Variants in ATP4A observed in about 807,000 individuals in gnomAD.
The protein encoded by ATP4A is potassium-transporting ATPase alpha chain 1.
Under a neutral mutation model 112.1 loss-of-function variants are expected in ATP4A, and 73 were observed. The ratio of observed to expected loss-of-function variants is 0.65; its 90% confidence interval spans 0.54 to 0.79. The LOEUF (loss-of-function observed/expected upper bound fraction) is 0.79, where lower values mean the gene tolerates loss of function less well. Among genes scored for constraint, ATP4A ranks in the 30% least tolerant of loss-of-function variants. The pLI is 0.00. For missense variants in ATP4A, 1,081 were observed against 1,425.9 expected (o/e 0.76, Z 3.90); for synonymous variants, 588 against 588.9 (o/e 1.00, Z 0.02).
In ATP4A at chr19:35,562,441, G is replaced by A. The variant is rs750821353; in HGVS notation, c.414C>T (p.Asp138=). 1.1e-5 allele frequency: 17 copies of A among 1,613,500 alleles called. No homozygotes were observed. Among genetic ancestry groups the A allele is most frequent in the East Asian group, 2.2e-5 (1 of 44,890 alleles). The change falls in exon 4 of 22, where the codon GAC becomes GAT. Residue 138 remains aspartate, a synonymous_variant. Transcript: ENST00000262623. ...IQASEGDLTT[D]DNLYLAIALI... ...TCCCCACAACATGGCTCACATTGTCGTCGGTGGTGAGGTCCCCCTCACTAG... is the reference window on the plus strand; with the variant it reads ...TCCCCACAACATGGCTCACATTGTCATCGGTGGTGAGGTCCCCCTCACTAG...
At position 35,555,814 on chromosome 19, in the gene ATP4A, T is replaced by C. The variant is rs775546496; in HGVS notation, c.1870-2A>G. ...GTGGTCACCCGTTACCATGATCACC[T>C]GTAGGGGGAACCAGTGGATCACTGA... is the stretch of plus-strand genomic sequence containing the variant. On this transcript the variant is annotated splice_acceptor_variant, in intron 12 of 21. Coordinates refer to ENST00000262623, the MANE Select transcript of ATP4A (RefSeq NM_000704.3). LOFTEE classifies it high-confidence loss of function. This position sits in a 1 kb window ranked among gnomAD's most constrained non-coding sequence, Gnocchi z 6.6. 6.2e-7 allele frequency: 1 copy of C among 1,605,134 alleles called. No homozygotes were observed. The highest frequency in any genetic ancestry group is 1.7e-5 in the Admixed American group (1 of 59,788).
chr19:35,556,992 G>A lies in ATP4A; in HGVS notation c.1790C>T (p.Ala597Val), dbSNP rs138327542. ...TGGGTCAATCATGGATACAAGTCCC[G>A]CAAAGCAGAGGCCGCTAGATGGAAA... ...MNFPSSGLCF[A>V]GLVSMIDPPR... Residue 597 changes from alanine (A) to valine (V), a missense_variant, in exon 12 of 22, where the codon GCG becomes GTG. Around this residue, in one of 3 missense-constraint regions of ATP4A, gnomAD observed 850 missense variants for 1,068.2 expected, o/e 0.80. Coordinates refer to ENST00000262623, the MANE Select transcript of ATP4A (RefSeq NM_000704.3). 2.2e-5 allele frequency: 35 copies of A among 1,614,190 alleles called. No homozygotes were observed. The highest frequency in any genetic ancestry group is 2.6e-5 in the Non-Finnish European group (31 of 1,180,036).
At position 35,560,481 on chromosome 19, in the gene ATP4A, C is replaced by T. The variant is rs747283592; in HGVS notation, c.669G>A (p.Lys223=). Residue 223 remains lysine (K), a synonymous_variant, in exon 6 of 22, where the codon AAG becomes AAA. Transcript: ENST00000262623. This position sits in a 1 kb window ranked among gnomAD's most constrained non-coding sequence, Gnocchi z 5.1. ...DIRILAAQGC[K]VDNSSLTGES... ...CCCCTGTCAGCGAGGAGTTGTCCAC[C>T]TTGCAGCCCTGGGCCGCCAGGATGC... 16 of 1,613,576 alleles carry T rather than the reference C, an allele frequency of 9.9e-6. No individual in the cohort carries two copies. The highest frequency in any genetic ancestry group is 3.4e-6 in the Non-Finnish European group (4 of 1,180,030).
chr19:35,558,422 G>T lies in ATP4A; in HGVS notation c.1440C>A (p.Gly480=), dbSNP rs370015293. The change falls in exon 10 of 22, where the codon GGC becomes GGA. Residue 480 remains glycine, a synonymous_variant. Transcript: ENST00000262623. This position sits in a 1 kb window ranked among gnomAD's most constrained non-coding sequence, Gnocchi z 5.1. ...AGACTTTTGGGAAGCGGTCCCGGTA[G>T]CCCATGGCGTTGCCCAGCGTCAGCT... is the stretch of plus-strand genomic sequence containing the variant. ...FSELTLGNAM[G]YRDRFPKVCE... 4 of 1,609,620 alleles carry T rather than the reference G, an allele frequency of 2.5e-6. No homozygotes were observed. The highest frequency in any genetic ancestry group is 2.2e-5 in the South Asian group (2 of 90,168).
In ATP4A at chr19:35,558,607, CTT is replaced by C; in HGVS notation, c.1333_1334del (p.Lys445ValfsTer128). On this transcript the variant is annotated frameshift_variant, in exon 9 of 22. Coordinates refer to ENST00000262623, the MANE Select transcript of ATP4A (RefSeq NM_000704.3). LOFTEE classifies it high-confidence loss of function. The surrounding 1 kb of genome is among the most constrained non-coding windows in gnomAD (Gnocchi z 5.1). Reference protein sequence around the residue: ...VLTLCNRAAFKSGQDAVPVPK... With the variant: ...VLTLCNRAAFXSGQDAVPVPK... ...GCACAGGCACTGCATCCTGGCCGGA[CTT>C]GAAGGCGGCGCGGTTGCACAGGGTG... 6.2e-7 allele frequency: 1 copy of C among 1,603,788 alleles called. No individual in the cohort carries two copies. Among genetic ancestry groups the C allele is most frequent in the East Asian group, 2.3e-5 (1 of 44,414 alleles).
In ATP4A at chr19:35,555,455, C is replaced by T; in HGVS notation, c.2142G>A (p.Glu714=). The T allele has an allele frequency of 6.2e-7, 1 of 1,612,310 alleles. No homozygotes were observed. Among genetic ancestry groups the T allele is most frequent in the Non-Finnish European group, 8.5e-7 (1 of 1,179,084 alleles). Residue 714 remains glutamate, a synonymous_variant, in exon 14 of 22, where the codon GAG becomes GAA. Transcript: ENST00000262623. The surrounding 1 kb of genome is among the most constrained non-coding windows in gnomAD (Gnocchi z 6.6). ...TSPQQKLVIV[E]SCQRLGAIVA... is the part of the protein sequence containing the mutation. Reference sequence around the variant, plus strand: ...CAGGGCTCACCAGCCGCTGGCAGCTCTCCACGATCACCAGCTTCTGCTGGG... The same window carrying T: ...CAGGGCTCACCAGCCGCTGGCAGCTTTCCACGATCACCAGCTTCTGCTGGG...
rs112507306 is a variant in ATP4A at position 35,558,631 on chromosome 19, G to A, written c.1311C>T (p.Thr437=). 1.9e-6 allele frequency: 3 copies of A among 1,600,186 alleles called. No individual in the cohort carries two copies. Among genetic ancestry groups the A allele is most frequent in the Non-Finnish European group, 2.6e-6 (3 of 1,175,536 alleles). The change falls in exon 9 of 22, where the codon ACC becomes ACT. Residue 437 remains threonine, a synonymous_variant. Coordinates refer to ENST00000262623, the MANE Select transcript of ATP4A (RefSeq NM_000704.3). The surrounding 1 kb of genome is among the most constrained non-coding windows in gnomAD (Gnocchi z 5.1). The part of the protein sequence containing the change: ...ETWRALCRVL[T]LCNRAAFKSG... Reference sequence around the variant, plus strand: ...ACTTGAAGGCGGCGCGGTTGCACAGGGTGAGCACCCGGCACAGCGCCCGCC... The same window carrying A: ...ACTTGAAGGCGGCGCGGTTGCACAGAGTGAGCACCCGGCACAGCGCCCGCC...
chr19:35,561,025 G>A (rs2146312007), intron 4 of ATP4A, 93 bp from the exon 5 acceptor site: 1 of 1,073,588 alleles, frequency 9.3e-7, no homozygotes, highest in Non-Finnish European at 1.4e-6. Flanking sequence ...GGTTTTCTTG[G>A]TTTTCCCCAT....
Position 35,555,657 on chromosome 19 carries a change from G to T in ATP4A, c.2006+19C>A. The stretch of plus-strand genomic sequence containing the variant: ...TGCCAGATGTGGGGAGAACCCCGGG[G>T]AGGTCTGGGGGGGCTTACTTGCGAT... On this transcript the variant is annotated intron_variant, in intron 13 of 21. Transcript: ENST00000262623. This position sits in a 1 kb window ranked among gnomAD's most constrained non-coding sequence, Gnocchi z 6.6. 6.3e-7 allele frequency: 1 copy of T among 1,591,662 alleles called. No individual in the cohort carries two copies.
chr19:35,560,003 C>G lies in ATP4A; in HGVS notation c.858G>C (p.Ser286=). 3.1e-6 allele frequency: 5 copies of G among 1,614,264 alleles called. No individual in the cohort carries two copies. The highest frequency in any genetic ancestry group is 3.4e-6 in the Non-Finnish European group (4 of 1,180,044). ...TGGGTGTCTTCTCGTTTTCCACCCC[C>G]GACGCCAGCGATGCGATGCGCCCAA... is the stretch of plus-strand genomic sequence containing the variant. ...TIIGRIASLA[S]GVENEKTPIA... Residue 286 remains serine, a synonymous_variant, in exon 7 of 22, where the codon TCG becomes TCC. Transcript: ENST00000262623. The surrounding 1 kb of genome is among the most constrained non-coding windows in gnomAD (Gnocchi z 5.1).
rs1422387911 is a variant in ATP4A at position 35,558,581 on chromosome 19, G to A, written c.1361C>T (p.Pro454Leu). The change falls in exon 9 of 22, where the codon CCC becomes CTC. Residue 454 changes from proline (P) to leucine (L), a missense_variant. Physicochemically the swap from Pro to Leu is moderately conservative, Grantham distance 98. Around this residue, in one of 3 missense-constraint regions of ATP4A, gnomAD observed 850 missense variants for 1,068.2 expected, o/e 0.80. Coordinates refer to ENST00000262623, the MANE Select transcript of ATP4A (RefSeq NM_000704.3). The surrounding 1 kb of genome is among the most constrained non-coding windows in gnomAD (Gnocchi z 5.1). The part of the protein sequence containing the change: ...FKSGQDAVPV[P>L]KRIVIGDASE... ...TGGAGGCCCCCTGGCTCTCACCTTG[G>A]GCACAGGCACTGCATCCTGGCCGGA... 1 of 1,603,028 alleles carries A rather than the reference G, an allele frequency of 6.2e-7. No homozygotes were observed. The highest frequency in any genetic ancestry group is 8.5e-7 in the Non-Finnish European group (1 of 1,175,772).
At chr19:35,562,357 C>G (rs2146312735) in intron 4 of ATP4A, 78 bp downstream of exon 4, 2 of 1,515,516 alleles carry the variant, frequency 1.3e-6, no homozygotes, top group South Asian at 1.3e-5. Context: ...CTCTGCCCCT[C>G]TTGTCCCAAG....
In ATP4A at chr19:35,553,327, C is replaced by G; in HGVS notation, c.2606-145G>C. 2 of 967,930 alleles carry G rather than the reference C, an allele frequency of 2.1e-6. 1 individual carries two copies. The highest frequency in any genetic ancestry group is 3.5e-5 in the South Asian group (2 of 57,250). 60.0% of individuals were successfully genotyped at this position (967,930 alleles called of 1,614,324 possible). On this transcript the variant is annotated intron_variant, in intron 17 of 21. Transcript: ENST00000262623. ...GGACACGGGAAGAGAGACAGGGACACAGATACACAAGGTCAAGGACACACA... is the reference window on the plus strand; with the variant it reads ...GGACACGGGAAGAGAGACAGGGACAGAGATACACAAGGTCAAGGACACACA...
rs774113274 is a variant in ATP4A at position 35,555,315 on chromosome 19, G to T, written c.2177C>A (p.Thr726Lys). 6.2e-7 allele frequency: 1 copy of T among 1,613,956 alleles called. No homozygotes were observed. The highest frequency in any genetic ancestry group is 2.2e-5 in the East Asian group (1 of 44,878). ...TGGGGAGTCATTCACACCATCCCCC[G>T]TGACGGCCACAATCGCACCCTGCAG... ...CQRLGAIVAV[T>K]GDGVNDSPAL... The change falls in exon 15 of 22, where the codon ACG (threonine) becomes AAG (lysine). Residue 726 changes from threonine to lysine, a missense_variant. Thr to Lys is a moderately conservative substitution (Grantham distance 78, BLOSUM62 -1). Transcript: ENST00000262623. The surrounding 1 kb of genome is among the most constrained non-coding windows in gnomAD (Gnocchi z 6.6).
chr19:35,553,254 T>A, intron 17 of ATP4A, 72 bp from the exon 18 acceptor site: 1 of 1,504,634 alleles, frequency 6.6e-7, no homozygotes. Context: ...GAGAGGGACA[T>A]GGAGAGACAG....
rs377324508 is a variant in ATP4A at position 35,560,460 on chromosome 19, T to C, written c.690A>G (p.Thr230=). The change falls in exon 6 of 22, where the codon ACA becomes ACG. Residue 230 remains threonine, a synonymous_variant. Coordinates refer to ENST00000262623, the MANE Select transcript of ATP4A (RefSeq NM_000704.3). This position sits in a 1 kb window ranked among gnomAD's most constrained non-coding sequence, Gnocchi z 5.1. ...AGCGGGTCTGTGGCTCAGACTCCCCTGTCAGCGAGGAGTTGTCCACCTTGC... is the reference window on the plus strand; with the variant it reads ...AGCGGGTCTGTGGCTCAGACTCCCCCGTCAGCGAGGAGTTGTCCACCTTGC... ...QGCKVDNSSL[T]GESEPQTRSP... is the part of the protein sequence containing the mutation. 8.1e-6 allele frequency: 13 copies of C among 1,613,752 alleles called. No individual in the cohort carries two copies. Among genetic ancestry groups the C allele is most frequent in the Middle Eastern group, 3.3e-4 (2 of 6,062 alleles).
In ATP4A at chr19:35,550,463, C is replaced by T; in HGVS notation, c.*152G>A. 1 of 1,023,924 alleles carries T rather than the reference C, an allele frequency of 9.8e-7. No individual in the cohort carries two copies. Among genetic ancestry groups the T allele is most frequent in the Non-Finnish European group, 1.4e-6 (1 of 698,410 alleles). 63.4% of individuals were successfully genotyped at this position (1,023,924 alleles called of 1,614,324 possible). On this transcript the variant is annotated 3_prime_UTR_variant, in exon 22 of 22. Transcript: ENST00000262623. The surrounding 1 kb of genome is among the most constrained non-coding windows in gnomAD (Gnocchi z 4.1). ...GGGGAGGGGAGTGGGCAGGTCCCTC[C>T]AAGTTTGGGGTGCCGTGGGCTACAG... is the stretch of plus-strand genomic sequence containing the variant.
Position 35,558,151 on chromosome 19 carries a change from C to T in ATP4A, c.1500+211G>A, listed in dbSNP as rs567232858. The T allele has an allele frequency of 2.3e-5, 16 of 693,098 alleles. No individual in the cohort carries two copies. The South Asian group carries it at 2.7e-4, about 12-fold the overall frequency. 42.9% of individuals were successfully genotyped at this position (693,098 alleles called of 1,614,324 possible). A position where few individuals can be genotyped will look rare whatever the true frequency, so the allele number is the denominator to read the frequency against. ...GCGAGGTGCTCCCCATGGACAGTCCCGCCGAGGAGAAGCTGTGGGCGGGGC... is the reference window on the plus strand; with the variant it reads ...GCGAGGTGCTCCCCATGGACAGTCCTGCCGAGGAGAAGCTGTGGGCGGGGC... On this transcript the variant is annotated intron_variant, in intron 10 of 21. Transcript: ENST00000262623. The surrounding 1 kb of genome is among the most constrained non-coding windows in gnomAD (Gnocchi z 5.1).
Position 35,551,244 on chromosome 19 carries a change from C to A in ATP4A, c.2886-133G>T. The A allele has an allele frequency of 8.4e-7, 1 of 1,191,592 alleles. No individual in the cohort carries two copies. 73.8% of individuals were successfully genotyped at this position (1,191,592 alleles called of 1,614,324 possible). ...CTACACACTGAACACTGGAGTGGCC[C>A]GGGCCTCTCAGCACCACCCCTTTAG... On this transcript the variant is annotated intron_variant, in intron 19 of 21. Transcript: ENST00000262623. This position sits in a 1 kb window ranked among gnomAD's most constrained non-coding sequence, Gnocchi z 5.2.
Sources: allele counts gnomAD v4.1 joint callset, GRCh38; gene constraint gnomAD v4.1.1; regional missense constraint gnomAD v4.1.1; non-coding constraint Gnocchi (gnomAD v3.1); transcripts MANE v1.5; gene names NCBI Gene and HGNC (gene_info 2026-07-23, HGNC 2026-07-21).